The following CTNND2 variants were observed in gnomAD, a reference collection of about 807,000 sequenced individuals.
The protein encoded by CTNND2 is catenin delta-2.
CTNND2 carries 22 observed loss-of-function variants against 144.4 expected under a neutral mutation model. That is an observed-to-expected ratio of 0.15 (90% confidence interval 0.11 to 0.22). The LOEUF is 0.22. CTNND2 is among the 10% of genes least tolerant of loss of function. The probability of loss-of-function intolerance (pLI) is 1.00; values close to 1 mark genes in which losing one functional copy is unlikely to be tolerated. For missense variants in CTNND2, 1,353 were observed against 1,618.8 expected (o/e 0.84, Z 2.82); for synonymous variants, 751 against 695.6 (o/e 1.08, Z -1.25).
intron 9 of CTNND2, among the ~76,000 whole-genome samples, chr5:11,307,341 G>A (rs1292803826): frequency 7.6e-6 from 1 of 130,918 alleles, no homozygotes; most frequent in African/African-American, 2.9e-5. Flanking sequence ...GTGTGTGTGT[G>A]TGTACACAAG....
chr5:11,306,111 G>A (rs1750171606), intron 9 of CTNND2, among the ~76,000 whole-genome samples: 1 of 152,164 alleles, frequency 6.6e-6, no homozygotes, highest in Admixed American at 6.5e-5. Context: ...TTCCATAAAT[G>A]AAGGATTTAT....
chr5:11,344,576 T>C (rs1754586959), intron 9 of CTNND2, among the ~76,000 whole-genome samples: 1 of 152,136 alleles, frequency 6.6e-6, no homozygotes, highest in African/African-American at 2.4e-5. Flanking sequence ...TTTCTTTTTT[T>C]TGGGGGGTCT....
At chr5:11,213,066 C>G (rs1457559788) in intron 10 of CTNND2, among the ~76,000 whole-genome samples, 1 of 152,166 alleles carries the variant, frequency 6.6e-6, no homozygotes, top group Non-Finnish European at 1.5e-5. Context: ...ATTTTCCTGA[C>G]ACCTAGAAAT....
chr5:11,746,342 C>G (rs1204742576), intron 1 of CTNND2, among the ~76,000 whole-genome samples: 1 of 152,156 alleles, frequency 6.6e-6, no homozygotes, highest in Non-Finnish European at 1.5e-5. Flanking sequence ...GGATGCATTT[C>G]TTCCTCTCTG....
chr5:11,631,728 G>A (rs2126469756), intron 2 of CTNND2, among the ~76,000 whole-genome samples: 1 of 152,236 alleles, frequency 6.6e-6, no homozygotes, highest in Non-Finnish European at 1.5e-5. Flanking sequence ...CCTATGTATG[G>A]TGGAAGATCT....
intron 3 of CTNND2, among the ~76,000 whole-genome samples, chr5:11,513,721 A>C (rs1433215689): frequency 6.6e-6 from 1 of 152,190 alleles, no homozygotes; most frequent in Non-Finnish European, 1.5e-5. Flanking sequence ...AGTACGTCTT[A>C]ATTTGCAAAT....
At chr5:11,051,079 A>G (rs1048735619) in intron 16 of CTNND2, among the ~76,000 whole-genome samples, 5 of 152,218 alleles carry the variant, frequency 3.3e-5, no homozygotes, top group African/African-American at 1.2e-4. Flanking sequence ...GTTTATTTCC[A>G]CAAAGCCTGC....
intron 3 of CTNND2, among the ~76,000 whole-genome samples, chr5:11,522,520 G>A (rs939223831): frequency 1.2e-4 from 19 of 152,224 alleles, no homozygotes; most frequent in Middle Eastern, 3.4e-3. Context: ...AGATTTTAAC[G>A]TTATACCCGG....
intron 5 of CTNND2, among the ~76,000 whole-genome samples, chr5:11,411,307 C>T (rs1378945804): frequency 3.3e-5 from 5 of 152,014 alleles, no homozygotes; most frequent in African/African-American, 4.8e-5. Flanking sequence ...GTAATTAGTG[C>T]GAAAACTAGA....
At chr5:11,457,182 G>A (rs1222808944) in intron 3 of CTNND2, among the ~76,000 whole-genome samples, 1 of 152,062 alleles carries the variant, frequency 6.6e-6, no homozygotes, top group Non-Finnish European at 1.5e-5. Context: ...TGGGAAGACT[G>A]CTTGAGTCCA....
At chr5:11,441,368 ATTTTTTTTTTTTT>A (rs774610481) in intron 3 of CTNND2, among the ~76,000 whole-genome samples, 2 of 98,758 alleles carry the variant, frequency 2.0e-5, no homozygotes, top group Admixed American at 1.1e-4. Flanking sequence ...CCAATGTGGG[ATTTTTTTTTTTTT>A]TTTTTTTTTT....
At chr5:11,820,136 T>C (rs1289966772) in intron 1 of CTNND2, among the ~76,000 whole-genome samples, 1 of 152,172 alleles carries the variant, frequency 6.6e-6, no homozygotes, top group Non-Finnish European at 1.5e-5. Context: ...TGAGATGGAC[T>C]CAGATACGAA....
At chr5:11,467,974 T>G (rs1766830898) in intron 3 of CTNND2, among the ~76,000 whole-genome samples, 2 of 152,258 alleles carry the variant, frequency 1.3e-5, no homozygotes, top group African/African-American at 4.8e-5. Flanking sequence ...CGTACTGTTC[T>G]TCCTCTTCTG....
Position 11,159,639 on chromosome 5 carries a change from T to C in CTNND2, c.2096A>G (p.Gln699Arg), listed in dbSNP as rs1758569010. The stretch of plus-strand genomic sequence containing the variant: ...ATGCAGCTGTATTTTCCGATCATCC[T>C]GAAGAGGCGAATTTTCCCAGCCTGA... ...PHSGWENSPL[Q>R]DDRKIQLHSS... is the part of the protein sequence containing the mutation. Residue 699 changes from glutamine to arginine, a missense_variant, in exon 12 of 22, where the codon CAG becomes CGG. This residue lies in a region of CTNND2 where 117 missense variants were observed against 117.8 expected (regional missense o/e 0.99). Coordinates refer to ENST00000304623, the MANE Select transcript of CTNND2 (RefSeq NM_001332.4). 1 of 1,613,612 alleles carries C rather than the reference T, an allele frequency of 6.2e-7. No homozygotes were observed. Among genetic ancestry groups the C allele is most frequent in the Non-Finnish European group, 8.5e-7 (1 of 1,179,860 alleles).
In CTNND2 at chr5:11,385,084, T is replaced by C. The variant is rs868714499; in HGVS notation, c.758A>G (p.Tyr253Cys). Residue 253 changes from tyrosine (Y) to cysteine (C), a missense_variant, in exon 7 of 22, where the codon TAC becomes TGC. Transcript: ENST00000304623. The stretch of plus-strand genomic sequence containing the variant: ...CGCGGGCAGCGTGGAGCTGGAGTAG[T>C]AGAGCGCGGCGGCGGCGGCGGCGGG... ...APPAAAAAALYYSSSTLPAPP... is the reference protein window; with the variant it reads ...APPAAAAAALCYSSSTLPAPP... 1.7e-5 allele frequency: 18 copies of C among 1,066,368 alleles called. No homozygotes were observed. The highest frequency in any genetic ancestry group is 3.9e-5 in the South Asian group (1 of 25,438). The allele number at this position is 1,066,368 out of a possible 1,614,324, so 66.1% of individuals were successfully genotyped here.
chr5:11,571,430 A>G (rs2530912), intron 2 of CTNND2, among the ~76,000 whole-genome samples: 136,247 of 152,192 alleles, frequency 0.9, 61,048 homozygotes, highest in Admixed American at 0.92. Flanking sequence ...CCGCAAAGCT[A>G]AGCAAGATTG....
chr5:11,259,196 T>G (rs971656785), intron 9 of CTNND2, among the ~76,000 whole-genome samples: 1 of 152,212 alleles, frequency 6.6e-6, no homozygotes, highest in Non-Finnish European at 1.5e-5. Flanking sequence ...TGGTCTGCCC[T>G]GCAGATTTCA....
chr5:10,975,727 C>T (rs1736380934), intron 21 of CTNND2, among the ~76,000 whole-genome samples: 1 of 152,150 alleles, frequency 6.6e-6, no homozygotes. Context: ...ACAAAAGAGA[C>T]CAAGAAGCGG....
intron 1 of CTNND2, among the ~76,000 whole-genome samples, chr5:11,735,546 C>T (rs1657700754): frequency 1.3e-5 from 2 of 152,136 alleles, no homozygotes; most frequent in African/African-American, 2.4e-5. Flanking sequence ...TTGGCTATGT[C>T]CCCCGACAAA....
Sources: gnomAD v4.1 joint callset for allele counts (sites outside exome capture counted in the v4.1 genomes callset) on GRCh38, gnomAD v4.1.1 for gene constraint, gnomAD v4.1.1 regional missense constraint, MANE v1.5 for transcripts, NCBI Gene and HGNC (gene_info 2026-07-23, HGNC 2026-07-21) for gene names.